The following TOMM6 variants were observed in gnomAD, a reference collection of about 807,000 sequenced individuals.
TOMM6 encodes the protein translocase of outer mitochondrial membrane 6.
TOMM6 carries 6 observed loss-of-function variants against 6.0 expected under a neutral mutation model. The ratio of observed to expected loss-of-function variants is 1.00; its 90% confidence interval spans 0.55 to 1.98. The LOEUF is 1.98. Ranked by LOEUF, TOMM6 falls within the 30% of genes most tolerant of loss-of-function variation. The probability of loss-of-function intolerance (pLI) is 0.00; values close to 1 mark genes in which losing one functional copy is unlikely to be tolerated. For synonymous variants in TOMM6, 44 were observed against 36.3 expected (o/e 1.21, Z -0.76); for missense variants, 104 against 95.3 (o/e 1.09, Z -0.38).
chr6:41,789,437 T>C, intron 2 of TOMM6, 101 bp downstream of exon 2: 1 of 888,098 alleles, frequency 1.1e-6, no homozygotes, highest in Non-Finnish European at 1.8e-6. Flanking sequence ...AAGAATGTGA[T>C]GTAAAACCCT....
At chr6:41,787,873 A>G (rs1772705618) in intron 1 of TOMM6, 48 bp downstream of exon 1, 1 of 1,538,284 alleles carries the variant, frequency 6.5e-7, no homozygotes, top group Non-Finnish European at 8.8e-7. Flanking sequence ...TTAAATCCGT[A>G]TTTCCCCTTT....
At chr6:41,788,711 A>G (rs1772735058) in intron 1 of TOMM6, among the ~76,000 whole-genome samples, 1 of 148,882 alleles carries the variant, frequency 6.7e-6, no homozygotes, top group South Asian at 2.1e-4. Flanking sequence ...TCTGCCTCCC[A>G]AAGTGCTGGG....
chr6:41,787,814 T>G lies in TOMM6; in HGVS notation c.117T>G (p.Asn39Lys), dbSNP rs1377644533. 1.3e-6 allele frequency: 2 copies of G among 1,551,640 alleles called. No individual in the cohort carries two copies. The highest frequency in any genetic ancestry group is 1.7e-6 in the Non-Finnish European group (2 of 1,146,998). ...RGVYRFATDRNDFRRNLILNL... is the reference protein window; with the variant it reads ...RGVYRFATDRKDFRRNLILNL... Reference sequence around the variant, plus strand: ...TCTACCGCTTTGCCACTGATAGGAATGACTTCCGGAGGTAACCGAGCCCGA... The same window carrying G: ...TCTACCGCTTTGCCACTGATAGGAAGGACTTCCGGAGGTAACCGAGCCCGA... The change falls in exon 1 of 3, where the codon AAT (asparagine) becomes AAG (lysine). Residue 39 changes from asparagine (N) to lysine (K), a missense_variant. Asn to Lys is a moderately conservative substitution (Grantham distance 94). Transcript: ENST00000398881.
intron 1 of TOMM6, 22 bp downstream of exon 1, chr6:41,787,847 G>C (rs1772704671): frequency 6.4e-7 from 1 of 1,551,452 alleles, no homozygotes; most frequent in East Asian, 2.4e-5. Flanking sequence ...CGAGGAACTT[G>C]GTCCTTTTCT....
chr6:41,789,326 T>C lies in TOMM6; in HGVS notation c.223T>C (p.Ter75GlnextTer32). The change falls in exon 2 of 3, where the codon TAG becomes CAG. Residue 75 changes from the stop codon to glutamine (Q), a stop_lost. Coordinates refer to ENST00000398881, the MANE Select transcript of TOMM6 (RefSeq NM_001382294.1). ...CCTCATGGCACCTCAGCCAGGGGTG[T>C]AGCCAAGTAGGTAAGCACTGAACTA... ...IDLMAPQPGV[*>Q] 1.3e-6 allele frequency: 2 copies of C among 1,551,594 alleles called. No homozygotes were observed. The highest frequency in any genetic ancestry group is 1.2e-5 in the South Asian group (1 of 84,068).
At chr6:41,788,477 G>C (rs1198290129) in intron 1 of TOMM6, among the ~76,000 whole-genome samples, 1 of 100,296 alleles carries the variant, frequency 1.0e-5, no homozygotes, top group African/African-American at 4.0e-5. Flanking sequence ...TTTTGAGACG[G>C]AGTCTCACTC....
chr6:41,789,410 A>G lies in TOMM6; in HGVS notation c.*8+74A>G, dbSNP rs115861426. 117 of 1,071,382 alleles carry G rather than the reference A, an allele frequency of 1.1e-4. No individual in the cohort carries two copies. The African/African-American group carries it at 1.6e-3, about 15-fold the overall frequency. The allele number at this position is 1,071,382 out of a possible 1,614,324, so 66.4% of individuals were successfully genotyped here. A position where few individuals can be genotyped will look rare whatever the true frequency, so the allele number is the denominator to read the frequency against. ...GGTGAAGCAATGTTTTCTGTCAAGT[A>G]TTCATGAAATGTACAAAAGAATGTG... On this transcript the variant is annotated intron_variant, in intron 2 of 2. Transcript: ENST00000398881.
chr6:41,788,143 T>TTTC (rs1324217087), intron 1 of TOMM6, among the ~76,000 whole-genome samples: 2 of 60,576 alleles, frequency 3.3e-5, no homozygotes, highest in South Asian at 6.5e-4. Context: ...ACATTTCTTT[T>TTTC]TTGTTTTTTT....
intron 1 of TOMM6, 111 bp from the exon 2 acceptor site, chr6:41,789,121 G>T: frequency 2.0e-6 from 2 of 977,284 alleles, no homozygotes; most frequent in Non-Finnish European, 3.2e-6. Flanking sequence ...TCACAACCAC[G>T]TATCAACGCC....
In TOMM6 at chr6:41,789,608, C is replaced by A. The variant is rs1430824158; in HGVS notation, c.*49C>A. On this transcript the variant is annotated 3_prime_UTR_variant, in exon 3 of 3. Coordinates refer to ENST00000398881, the MANE Select transcript of TOMM6 (RefSeq NM_001382294.1). ...TGCTGAACCCGAATCTTCCAAAAAACAGCCTACAATCTGTGACCACCACAA... is the reference window on the plus strand; with the variant it reads ...TGCTGAACCCGAATCTTCCAAAAAAAAGCCTACAATCTGTGACCACCACAA... The A allele has an allele frequency of 5.8e-6, 2 of 343,044 alleles. No homozygotes were observed. The highest frequency in any genetic ancestry group is 1.1e-5 in the Non-Finnish European group (2 of 178,432). The allele number at this position is 343,044 out of a possible 1,614,324, so 21.3% of individuals were successfully genotyped here.
chr6:41,789,060 A>C (rs1772744605), intron 1 of TOMM6, among the ~76,000 whole-genome samples, 172 bp from the exon 2 acceptor site: 1 of 152,190 alleles, frequency 6.6e-6, no homozygotes, highest in Non-Finnish European at 1.5e-5. Context: ...TACACTTACT[A>C]GGCACAAAAA....
Position 41,787,843 on chromosome 6 carries a change from A to G in TOMM6, c.128+18A>G. The G allele has an allele frequency of 1.3e-6, 2 of 1,551,374 alleles. No individual in the cohort carries two copies. Among genetic ancestry groups the G allele is most frequent in the Non-Finnish European group, 1.7e-6 (2 of 1,146,758 alleles). The stretch of plus-strand genomic sequence containing the variant: ...TTCCGGAGGTAACCGAGCCCGAGGA[A>G]CTTGGTCCTTTTCTGGCCCTTAAAT... On this transcript the variant is annotated intron_variant, in intron 1 of 2. Coordinates refer to ENST00000398881, the MANE Select transcript of TOMM6 (RefSeq NM_001382294.1).
intron 1 of TOMM6, among the ~76,000 whole-genome samples, chr6:41,788,448 T>TA (rs1772727067): frequency 8.8e-6 from 1 of 113,634 alleles, no homozygotes; most frequent in African/African-American, 3.4e-5. Flanking sequence ...CCGGCCTTTT[T>TA]TTTTTTTTTT....
At position 41,789,400 on chromosome 6, in the gene TOMM6, T is replaced by C. The variant is rs939649591; in HGVS notation, c.*8+64T>C. On this transcript the variant is annotated intron_variant, in intron 2 of 2. Transcript: ENST00000398881. ...CTAGAGACTGGGTGAAGCAATGTTTTCTGTCAAGTATTCATGAAATGTACA... is the reference window on the plus strand; with the variant it reads ...CTAGAGACTGGGTGAAGCAATGTTTCCTGTCAAGTATTCATGAAATGTACA... 18 of 1,160,024 alleles carry C rather than the reference T, an allele frequency of 1.6e-5. 1 individual carries two copies. The highest frequency in any genetic ancestry group is 8.0e-5 in the Admixed American group (4 of 50,082). 71.9% of individuals were successfully genotyped at this position (1,160,024 alleles called of 1,614,324 possible).
chr6:41,787,802 C>T lies in TOMM6; in HGVS notation c.105C>T (p.Ala35=), dbSNP rs531997589. The T allele has an allele frequency of 2.4e-5, 37 of 1,551,790 alleles. No individual in the cohort carries two copies. The African/African-American group carries it at 3.3e-4, about 14-fold the overall frequency. Residue 35 remains alanine (A), a synonymous_variant, in exon 1 of 3, where the codon GCC becomes GCT. Coordinates refer to ENST00000398881, the MANE Select transcript of TOMM6 (RefSeq NM_001382294.1). ...GGCTTCGGGGCGTCTACCGCTTTGC[C>T]ACTGATAGGAATGACTTCCGGAGGT... ...GDWLRGVYRF[A]TDRNDFRRNL...
At chr6:41,788,930 G>C (rs1019353424) in intron 1 of TOMM6, among the ~76,000 whole-genome samples, 1 of 151,722 alleles carries the variant, frequency 6.6e-6, no homozygotes, top group South Asian at 2.1e-4. Context: ...ATTTTTAGTA[G>C]AGACGGGGTT....
Position 41,789,242 on chromosome 6 carries a change from C to G in TOMM6, c.139C>G (p.Leu47Val). Reference sequence around the variant, plus strand: ...ACATTGTTTTTCCAGGAACTTGATACTAAATTTGGGACTCTTTGCTGCGGG... The same window carrying G: ...ACATTGTTTTTCCAGGAACTTGATAGTAAATTTGGGACTCTTTGCTGCGGG... ...DRNDFRRNLI[L>V]NLGLFAAGVW... Residue 47 changes from leucine (L) to valine (V), a missense_variant, in exon 2 of 3, where the codon CTA becomes GTA. Physicochemically the swap from Leu to Val is conservative, Grantham distance 32. Coordinates refer to ENST00000398881, the MANE Select transcript of TOMM6 (RefSeq NM_001382294.1). 1 of 1,550,888 alleles carries G rather than the reference C, an allele frequency of 6.4e-7. No homozygotes were observed. Among genetic ancestry groups the G allele is most frequent in the South Asian group, 1.2e-5 (1 of 84,018 alleles).
At chr6:41,788,606 C>T (rs1413805778) in intron 1 of TOMM6, among the ~76,000 whole-genome samples, 2 of 150,598 alleles carry the variant, frequency 1.3e-5, no homozygotes, top group African/African-American at 4.9e-5. Context: ...GCGCGCGCCA[C>T]CACGCCCAGC....
At position 41,787,766 on chromosome 6, in the gene TOMM6, C is replaced by T; in HGVS notation, c.69C>T (p.Asn23=). Residue 23 remains asparagine (N), a synonymous_variant, in exon 1 of 3, where the codon AAC becomes AAT. Coordinates refer to ENST00000398881, the MANE Select transcript of TOMM6 (RefSeq NM_001382294.1). ...ATGAAACTCCCGAAATACCGGACAA[C>T]GTGGGAGATTGGCTTCGGGGCGTCT... ...SANETPEIPD[N]VGDWLRGVYR... is the part of the protein sequence containing the mutation. 2.6e-6 allele frequency: 4 copies of T among 1,551,728 alleles called. No homozygotes were observed. Among genetic ancestry groups the T allele is most frequent in the East Asian group, 2.4e-5 (1 of 40,924 alleles).
Sources: gnomAD v4.1 joint callset for allele counts (sites outside exome capture counted in the v4.1 genomes callset) on GRCh38, gnomAD v4.1.1 for gene constraint, MANE v1.5 for transcripts, NCBI Gene and HGNC (gene_info 2026-07-23, HGNC 2026-07-21) for gene names.